Variants in PPM1B observed in about 807,000 individuals in gnomAD.
PPM1B encodes the protein protein phosphatase, Mg2+/Mn2+ dependent 1B.
PPM1B carries 22 observed loss-of-function variants against 43.0 expected under a neutral mutation model. The ratio of observed to expected loss-of-function variants is 0.51; its 90% CI spans 0.37 to 0.73. The LOEUF (loss-of-function observed/expected upper bound fraction) is 0.73, where lower values mean the gene tolerates loss of function less well. Among genes scored for constraint, PPM1B ranks in the 30% least tolerant of loss-of-function variants. The pLI is 0.00. For missense variants in PPM1B, 632 were observed against 584.2 expected (o/e 1.08, Z -0.84); for synonymous variants, 217 against 197.9 (o/e 1.10, Z -0.81).
intron 1 of PPM1B, among the ~76,000 whole-genome samples, chr2:44,193,203 T>A (rs1014842928): frequency 6.6e-6 from 1 of 152,202 alleles, no homozygotes; most frequent in African/African-American, 2.4e-5. Context: ...AAAGGTTCAC[T>A]TTTCTCCATA....
At chr2:44,246,292 C>T (rs979924749), downstream of PPM1B, among the ~76,000 whole-genome samples, 2 of 152,168 alleles carry the variant, frequency 1.3e-5, no homozygotes, top group African/African-American at 4.8e-5. Flanking sequence ...TTGAGTCCTT[C>T]GAGCTTATTT....
Position 44,195,100 on chromosome 2 carries a change from C to G in PPM1B, c.-14-6086C>G, listed in dbSNP as rs142996270. Among the ~76,000 whole-genome samples the G allele has an allele frequency of 8.4e-3, 1,279 of 151,874 alleles. 16 individuals carry two copies. Among genetic ancestry groups the G allele is most frequent in the African/African-American group, 0.03 (1,228 of 41,424 alleles). Reference sequence around the variant, plus strand: ...TAGAGACAGGGTTTCACCATATTGGCCAGGCTGATCTCAAACTCCTGACCT... The same window carrying G: ...TAGAGACAGGGTTTCACCATATTGGGCAGGCTGATCTCAAACTCCTGACCT... On this transcript the variant is annotated intron_variant, in intron 1 of 5. Coordinates refer to ENST00000282412, the MANE Select transcript of PPM1B (RefSeq NM_002706.6).
downstream of PPM1B, chr2:44,231,527 A>G (rs1484005192): frequency 4.9e-6 from 4 of 815,874 alleles, no homozygotes; most frequent in African/African-American, 3.7e-5. Flanking sequence ...AGTTTGGTAT[A>G]TTGGAAGAAT....
At chr2:44,202,917 G>A (rs993927305) in intron 2 of PPM1B, among the ~76,000 whole-genome samples, 1 of 152,270 alleles carries the variant, frequency 6.6e-6, no homozygotes, top group African/African-American at 2.4e-5. Context: ...TATCTGGCCA[G>A]TGTCTGGAGT....
intron 5 of PPM1B, among the ~76,000 whole-genome samples, chr2:44,239,654 A>G (rs1309952269): frequency 2.6e-5 from 4 of 152,220 alleles, no homozygotes; most frequent in Non-Finnish European, 4.4e-5. Context: ...TGTGAACTAC[A>G]GAAGGATCTC....
Position 44,244,325 on chromosome 2 carries a change from G to A in PPM1B, n.1644G>A, listed in dbSNP as rs766163158. On this transcript the variant is annotated non_coding_transcript_exon_variant, in exon 6 of 6. Transcript: ENST00000378540. Reference sequence around the variant, plus strand: ...ACCTTCCAAGCACTCAGAAGCACGCGGACAAAAAGGTTTTTTTGTAAACCC... The same window carrying A: ...ACCTTCCAAGCACTCAGAAGCACGCAGACAAAAAGGTTTTTTTGTAAACCC... 9 of 1,360,720 alleles carry A rather than the reference G, an allele frequency of 6.6e-6. No homozygotes were observed. In the Admixed American group the frequency reaches 9.6e-5, roughly 15 times the overall value. 84.3% of individuals were successfully genotyped at this position (1,360,720 alleles called of 1,614,324 possible).
intron 5 of PPM1B, among the ~76,000 whole-genome samples, chr2:44,225,460 T>C (rs1670165942): frequency 6.6e-6 from 1 of 152,180 alleles, no homozygotes; most frequent in African/African-American, 2.4e-5. Context: ...AAATCAAATA[T>C]AATGGCTGCG....
intron 5 of PPM1B, among the ~76,000 whole-genome samples, chr2:44,223,515 G>A (rs920635751): frequency 6.6e-6 from 1 of 151,860 alleles, no homozygotes; most frequent in Non-Finnish European, 1.5e-5. Flanking sequence ...GACCTATACT[G>A]TTTGAAAATG....
chr2:44,221,670 T>G (rs541440520), intron 5 of PPM1B, among the ~76,000 whole-genome samples: 64 of 152,204 alleles, frequency 4.2e-4, no homozygotes, highest in Non-Finnish European at 7.8e-4. Flanking sequence ...TTCTTTAGAC[T>G]CCTGAATGTC....
downstream of PPM1B, among the ~76,000 whole-genome samples, chr2:44,236,409 A>AAAAAAAAAAAAAAAAAAAAAAC (rs1670614631): frequency 9.5e-6 from 1 of 104,832 alleles, no homozygotes; most frequent in Non-Finnish European, 2.2e-5. Flanking sequence ...TCTCAAAAAA[A>AAAAAAAAAAAAAAAAAAAAAAC]AAAAAAAAAA....
chr2:44,205,374 T>TGTGTGTGTGTGTGTGTGTGTGG (rs1553333054), intron 2 of PPM1B, among the ~76,000 whole-genome samples: 16 of 151,474 alleles, frequency 1.1e-4, no homozygotes, highest in African/African-American at 3.7e-4. Flanking sequence ...TGTGTGTGTG[T>TGTGTGTGTGTGTGTGTGTGTGG]GTGTGTAAGT....
intron 3 of PPM1B, among the ~76,000 whole-genome samples, chr2:44,212,842 C>G (rs1669540886): frequency 6.6e-6 from 1 of 151,882 alleles, no homozygotes; most frequent in Admixed American, 6.6e-5. Flanking sequence ...AAACCTGTAA[C>G]TACTAAAAAT....
In PPM1B at chr2:44,231,061, A is replaced by T; in HGVS notation, c.*343A>T. On this transcript the variant is annotated 3_prime_UTR_variant, in exon 6 of 6. Transcript: ENST00000282412. ...ATGCTATATTATGGAAAAACTTGTT[A>T]ATGTAGAATTATACTGCTTCATATT... 2 of 912,552 alleles carry T rather than the reference A, an allele frequency of 2.2e-6. No homozygotes were observed. The highest frequency in any genetic ancestry group is 9.5e-5 in the South Asian group (2 of 20,982). 56.5% of individuals were successfully genotyped at this position (912,552 alleles called of 1,614,324 possible).
At chr2:44,236,234 AAAAAAT>A (rs1337958230), downstream of PPM1B, among the ~76,000 whole-genome samples, 2 of 151,712 alleles carry the variant, frequency 1.3e-5, no homozygotes, top group Non-Finnish European at 2.9e-5. Flanking sequence ...GTCTCTACTT[AAAAAAT>A]AAAAATAAAA....
intron 1 of PPM1B, among the ~76,000 whole-genome samples, chr2:44,173,194 G>A (rs186195795): frequency 6.6e-6 from 1 of 152,104 alleles, no homozygotes; most frequent in Non-Finnish European, 1.5e-5. Context: ...AAGACTAACA[G>A]ACCAGATACT....
At chr2:44,241,307 A>G (rs1358909174) in intron 5 of PPM1B, among the ~76,000 whole-genome samples, 1 of 143,990 alleles carries the variant, frequency 6.9e-6, no homozygotes, top group Non-Finnish European at 1.5e-5. Flanking sequence ...CCGGCCAGGA[A>G]GCATCTTAAC....
chr2:44,181,338 G>T (rs1667865143), intron 1 of PPM1B, among the ~76,000 whole-genome samples: 2 of 152,220 alleles, frequency 1.3e-5, no homozygotes, highest in Non-Finnish European at 2.9e-5. Context: ...TGACCATGAT[G>T]AAGTTGAGCT....
In PPM1B at chr2:44,201,632, T is replaced by C; in HGVS notation, c.433T>C (p.Tyr145His). 1.2e-6 allele frequency: 2 copies of C among 1,614,206 alleles called. No individual in the cohort carries two copies. Among genetic ancestry groups the C allele is most frequent in the Non-Finnish European group, 8.5e-7 (1 of 1,180,026 alleles). Reference sequence around the variant, plus strand: ...AGTTATGATTTCACCTAAGCATATCTACTTTATCAACTGTGGTGATTCACG... The same window carrying C: ...AGTTATGATTTCACCTAAGCATATCCACTTTATCAACTGTGGTGATTCACG... The part of the protein sequence containing the change: ...VGVMISPKHI[Y>H]FINCGDSRAV... Residue 145 changes from tyrosine (Y) to histidine (H), a missense_variant, in exon 2 of 6, where the codon TAC becomes CAC. Tyr to His is a moderately conservative substitution (Grantham distance 83). Transcript: ENST00000282412. The surrounding 1 kb of genome is among the most constrained non-coding windows in gnomAD (Gnocchi z 5.4).
At chr2:44,233,268 T>C (rs1009570042), downstream of PPM1B, 2 of 896,276 alleles carry the variant, frequency 2.2e-6, no homozygotes, top group Non-Finnish European at 2.7e-6. Flanking sequence ...TTACTATAAA[T>C]ACATTTAAAA....
Sources: gnomAD v4.1 joint callset for allele counts (sites outside exome capture counted in the v4.1 genomes callset) on GRCh38, gnomAD v4.1.1 for gene constraint, Gnocchi (gnomAD v3.1) non-coding constraint, MANE v1.5 for transcripts, NCBI Gene and HGNC (gene_info 2026-07-23, HGNC 2026-07-21) for gene names.